Variants in TSHZ1 observed in about 807,000 individuals in gnomAD.
The protein encoded by TSHZ1 is teashirt homolog 1.
Under a neutral mutation model 67.1 loss-of-function variants are expected in TSHZ1, and 12 were observed. The ratio of observed to expected loss-of-function variants is 0.18; its 90% CI spans 0.11 to 0.29. The LOEUF (loss-of-function observed/expected upper bound fraction) is 0.29. Ranked by LOEUF, TSHZ1 falls within the 10% of genes least tolerant of loss-of-function variation. The pLI is 1.00. For missense variants in TSHZ1, 1,305 were observed against 1,413.9 expected, an observed-to-expected ratio of 0.92 and a Z score of 1.23; for synonymous variants, 632 against 622.4, an observed-to-expected ratio of 1.02 and a Z score of -0.23.
chr18:75,214,884 A>T (rs999269617), intron 1 of TSHZ1, among the ~76,000 whole-genome samples: 2 of 152,198 alleles, frequency 1.3e-5, no homozygotes, highest in African/African-American at 2.4e-5. Flanking sequence ...GGACAAATTC[A>T]GTGAGCTGTC....
At chr18:75,215,226 C>T (rs957819680) in intron 1 of TSHZ1, among the ~76,000 whole-genome samples, 1 of 152,186 alleles carries the variant, frequency 6.6e-6, no homozygotes. Flanking sequence ...AAAAATCAGT[C>T]TTTTCAGGTG....
chr18:75,284,671 C>T (rs911806962), intron 1 of TSHZ1: 4 of 152,322 alleles, frequency 2.6e-5, no homozygotes, highest in Admixed American at 6.5e-5. Context: ...GTCTGGCTGC[C>T]TTCACCGAGC....
At chr18:75,212,519 G>T (rs2022712214) in intron 1 of TSHZ1, among the ~76,000 whole-genome samples, 2 of 152,298 alleles carry the variant, frequency 1.3e-5, no homozygotes, top group South Asian at 2.1e-4. Context: ...GGAGGAACTG[G>T]CAGGAGCTGG....
chr18:75,220,623 A>C (rs890810143), intron 1 of TSHZ1, among the ~76,000 whole-genome samples: 6 of 152,394 alleles, frequency 3.9e-5, no homozygotes, highest in Non-Finnish European at 7.3e-5. Flanking sequence ...AAACTAAAAC[A>C]TTAAGGTGAA....
At chr18:75,277,681 G>A (rs1030556740) in intron 1 of TSHZ1, among the ~76,000 whole-genome samples, 16 of 152,100 alleles carry the variant, frequency 1.1e-4, no homozygotes, top group African/African-American at 2.4e-4. Context: ...GTTCTTGAGG[G>A]CTCTTTCCTG....
At chr18:75,244,139 GCA>G (rs2023193000) in intron 1 of TSHZ1, among the ~76,000 whole-genome samples, 1 of 152,198 alleles carries the variant, frequency 6.6e-6, no homozygotes, top group African/African-American at 2.4e-5. Context: ...TGGTGGAGCT[GCA>G]CTGTCGGGGG....
intron 1 of TSHZ1, among the ~76,000 whole-genome samples, chr18:75,271,914 G>A (rs980127225): frequency 2.6e-5 from 4 of 152,138 alleles, no homozygotes; most frequent in Admixed American, 1.3e-4. Context: ...TATTGAGCCC[G>A]GATAATATGA....
chr18:75,235,627 G>A (rs4891247), intron 1 of TSHZ1, among the ~76,000 whole-genome samples: 9 of 152,074 alleles, frequency 5.9e-5, no homozygotes, highest in Admixed American at 5.2e-4. Context: ...TGGAGCTCAC[G>A]GTGTAGCAGG....
chr18:75,260,614 G>A (rs2122580683), intron 1 of TSHZ1, among the ~76,000 whole-genome samples: 1 of 152,334 alleles, frequency 6.6e-6, no homozygotes, highest in Non-Finnish European at 1.5e-5. Context: ...GAGAGACACA[G>A]GCAGCTGCTG....
At chr18:75,232,328 G>A (rs1317845972) in intron 1 of TSHZ1, among the ~76,000 whole-genome samples, 1 of 152,138 alleles carries the variant, frequency 6.6e-6, no homozygotes, top group Non-Finnish European at 1.5e-5. Flanking sequence ...CACCAATAAA[G>A]CCAAATTTTA....
chr18:75,238,335 G>A (rs2023107612), intron 1 of TSHZ1, among the ~76,000 whole-genome samples: 1 of 152,190 alleles, frequency 6.6e-6, no homozygotes, highest in East Asian at 1.9e-4. Context: ...CCAGCGAGGT[G>A]TAGACGTGTA....
At chr18:75,241,409 G>A (rs1325644377) in intron 1 of TSHZ1, among the ~76,000 whole-genome samples, 1 of 152,198 alleles carries the variant, frequency 6.6e-6, no homozygotes, top group Non-Finnish European at 1.5e-5. Flanking sequence ...CCATCTGGGT[G>A]GCTACTTGCT....
At chr18:75,264,696 A>G (rs1322217179) in intron 1 of TSHZ1, among the ~76,000 whole-genome samples, 2 of 152,188 alleles carry the variant, frequency 1.3e-5, no homozygotes, top group Non-Finnish European at 2.9e-5. Context: ...CAAGGGAAGG[A>G]ACTGTGTAGA....
intron 1 of TSHZ1, among the ~76,000 whole-genome samples, chr18:75,242,489 C>T (rs2023169366): frequency 6.6e-6 from 1 of 152,228 alleles, no homozygotes; most frequent in African/African-American, 2.4e-5. Context: ...CATGTTGAAG[C>T]AAACTGAGGT....
In TSHZ1 at chr18:75,286,996, G is replaced by A; in HGVS notation, c.1589G>A (p.Ser530Asn). ...SEDSLEKFEP[S>N]TLYPYLREED... ...GACAGCTTGGAGAAATTTGAGCCCA[G>A]CACCCTGTACCCGTACCTGCGTGAG... The change falls in exon 2 of 2, where the codon AGC (serine) becomes AAC (asparagine). Residue 530 changes from serine to asparagine, a missense_variant. By Grantham distance (46) the Ser-to-Asn change is conservative (BLOSUM62 1). Transcript: ENST00000580243. This position sits in a 1 kb window ranked among gnomAD's most constrained non-coding sequence, Gnocchi z 5.1. 6.2e-7 allele frequency: 1 copy of A among 1,613,994 alleles called. No homozygotes were observed. Among genetic ancestry groups the A allele is most frequent in the Non-Finnish European group, 8.5e-7 (1 of 1,180,022 alleles).
intron 1 of TSHZ1, among the ~76,000 whole-genome samples, chr18:75,232,398 T>A (rs780204540): frequency 3.3e-5 from 5 of 152,246 alleles, no homozygotes; most frequent in Non-Finnish European, 7.3e-5. Context: ...TGGACTTGAT[T>A]TTGCTGATGG....
chr18:75,238,419 G>A (rs927682150), intron 1 of TSHZ1, among the ~76,000 whole-genome samples: 2 of 152,156 alleles, frequency 1.3e-5, no homozygotes, highest in Non-Finnish European at 2.9e-5. Context: ...ACTAAGAATT[G>A]GCAAACTGGG....
chr18:75,222,469 C>T (rs2022859569), intron 1 of TSHZ1, among the ~76,000 whole-genome samples: 1 of 151,820 alleles, frequency 6.6e-6, no homozygotes, highest in South Asian at 2.1e-4. Flanking sequence ...TCGTTGTCTC[C>T]TTTTTTTTCT....
intron 1 of TSHZ1, among the ~76,000 whole-genome samples, chr18:75,250,849 A>G (rs2122566867): frequency 6.6e-6 from 1 of 152,280 alleles, no homozygotes; most frequent in South Asian, 2.1e-4. Flanking sequence ...TGCCTGTGGG[A>G]GGGCGGAGGC....
Sources: gnomAD v4.1 joint callset for allele counts (sites outside exome capture counted in the v4.1 genomes callset) on GRCh38, gnomAD v4.1.1 for gene constraint, Gnocchi (gnomAD v3.1) non-coding constraint, MANE v1.5 for transcripts, NCBI Gene and HGNC (gene_info 2026-07-23, HGNC 2026-07-21) for gene names.